Variants in KSR1 observed in about 807,000 individuals in gnomAD.
The protein encoded by KSR1 is kinase suppressor of ras 1.
KSR1 carries 35 observed loss-of-function variants against 92.9 expected under a neutral mutation model. The observed-to-expected ratio is 0.38, with a 90% CI of 0.29 to 0.50. The LOEUF (loss-of-function observed/expected upper bound fraction) is 0.50, where lower values mean the gene tolerates loss of function less well. Among genes scored for constraint, KSR1 ranks in the 20% least tolerant of loss-of-function variants. The pLI is 0.94. For missense variants in KSR1, 972 were observed against 1,158.5 expected, an observed-to-expected ratio of 0.84 and a Z score of 2.34; for synonymous variants, 467 against 472.6, an observed-to-expected ratio of 0.99 and a Z score of 0.15.
intron 1 of KSR1, among the ~76,000 whole-genome samples, chr17:27,487,648 A>G (rs2150955381): frequency 6.6e-6 from 1 of 151,246 alleles, no homozygotes; most frequent in Non-Finnish European, 1.5e-5. Flanking sequence ...GCATGGCTGT[A>G]CAAACATAAA....
At chr17:27,523,311 C>A (rs941990825) in intron 1 of KSR1, among the ~76,000 whole-genome samples, 3 of 151,580 alleles carry the variant, frequency 2.0e-5, no homozygotes, top group African/African-American at 7.3e-5. Context: ...ATGAATCAGC[C>A]CGACTACATT....
In KSR1 at chr17:27,617,340, A is replaced by G. The variant is rs2074092105; in HGVS notation, c.2539A>G (p.Ser847Gly). 1.2e-6 allele frequency: 2 copies of G among 1,612,462 alleles called. No homozygotes were observed. The highest frequency in any genetic ancestry group is 1.7e-6 in the Non-Finnish European group (2 of 1,179,152). ...GGCTTTCGACCTGCAGGAGAGACCC[A>G]GCTTCAGCCTGCTGATGGACATGCT... ...CWAFDLQERP[S>G]FSLLMDMLEK... The change falls in exon 19 of 21, where the codon AGC (serine) becomes GGC (glycine). Residue 847 changes from serine to glycine, a missense_variant. Coordinates refer to ENST00000644974, the MANE Select transcript of KSR1 (RefSeq NM_001394583.1).
At chr17:27,494,992 C>T (rs1467649352) in intron 1 of KSR1, among the ~76,000 whole-genome samples, 2 of 152,204 alleles carry the variant, frequency 1.3e-5, no homozygotes, top group Non-Finnish European at 2.9e-5. Flanking sequence ...AAGGGGCTCC[C>T]GGGCAGTGCG....
At chr17:27,621,416 G>A (rs926690117) in intron 20 of KSR1, 143 bp downstream of exon 20, 13 of 394,978 alleles carry the variant, frequency 3.3e-5, no homozygotes, top group Non-Finnish European at 5.8e-5. Context: ...TTCTGCAGCT[G>A]AAATGGCTTC....
chr17:27,610,978 G>A (rs970154031), intron 17 of KSR1, among the ~76,000 whole-genome samples: 3 of 152,134 alleles, frequency 2.0e-5, no homozygotes, highest in Non-Finnish European at 4.4e-5. Context: ...CCAAGGGGAC[G>A]TAGAGAGGCC....
chr17:27,500,049 C>T (rs531087434), intron 1 of KSR1, among the ~76,000 whole-genome samples: 45 of 152,314 alleles, frequency 3.0e-4, no homozygotes, highest in African/African-American at 7.2e-4. Context: ...AAGGCACCTT[C>T]GGCGTCTGCC....
Position 27,604,867 on chromosome 17 carries a change from A to G in KSR1, c.1614+139A>G, listed in dbSNP as rs2073695338. ...TCCCAGGCACCCATTGCAGAGGTGC[A>G]TGTCAGGGAAGAACGATGAGGAATG... On this transcript the variant is annotated intron_variant, in intron 13 of 20. Transcript: ENST00000644974. 20 of 807,740 alleles carry G rather than the reference A, an allele frequency of 2.5e-5. No individual in the cohort carries two copies. The South Asian group carries it at 2.9e-4, about 12-fold the overall frequency. 50.0% of individuals were successfully genotyped at this position (807,740 alleles called of 1,614,324 possible).
intron 4 of KSR1, 82 bp from the exon 5 acceptor site, chr17:27,585,575 T>C (rs1316260777): frequency 2.8e-6 from 2 of 722,610 alleles, no homozygotes; most frequent in South Asian, 2.9e-5. Context: ...CCTTGCCTGC[T>C]CCCGCCCAAG....
In KSR1 at chr17:27,611,484, G is replaced by T; in HGVS notation, c.2358-10G>T. 1 of 1,613,738 alleles carries T rather than the reference G, an allele frequency of 6.2e-7. No individual in the cohort carries two copies. The highest frequency in any genetic ancestry group is 8.5e-7 in the Non-Finnish European group (1 of 1,179,704). ...CCCAGGAGCTCACAGACATGGCTGG[G>T]TCTCTGCAGGACTGTTTGGTATGAG... On this transcript the variant is annotated splice_polypyrimidine_tract_variant and intron_variant, in intron 17 of 20. Transcript: ENST00000644974.
At chr17:27,533,388 C>G (rs983338011) in intron 1 of KSR1, among the ~76,000 whole-genome samples, 9 of 144,956 alleles carry the variant, frequency 6.2e-5, no homozygotes, top group Admixed American at 1.4e-4. Flanking sequence ...TGCAACCATT[C>G]TTTTTTTTTT....
chr17:27,531,544 G>A (rs1050784258), intron 1 of KSR1, among the ~76,000 whole-genome samples: 4 of 132,890 alleles, frequency 3.0e-5, no homozygotes, highest in Non-Finnish European at 6.3e-5. Flanking sequence ...CCTGTGTTCT[G>A]TGGGCGAGTG....
chr17:27,601,805 C>A, intron 11 of KSR1: 1 of 922,140 alleles, frequency 1.1e-6, no homozygotes, highest in Non-Finnish European at 1.7e-6. Context: ...ATATCTTATG[C>A]ACAATGTCTT....
At chr17:27,520,470 A>G (rs1015667968) in intron 1 of KSR1, among the ~76,000 whole-genome samples, 1 of 152,224 alleles carries the variant, frequency 6.6e-6, no homozygotes, top group African/African-American at 2.4e-5. Flanking sequence ...ATCTTTAGAA[A>G]GGGCTCAGAA....
chr17:27,597,320 C>T lies in KSR1; in HGVS notation c.1352C>T (p.Thr451Ile). ...HLDSSSNPSS[T>I]TSSTPSSPAP... The stretch of plus-strand genomic sequence containing the variant: ...GACTCCAGCAGCAACCCTTCCTCCA[C>T]CACCTCCTCCACACCCTCCTCACCG... The change falls in exon 10 of 21, where the codon ACC becomes ATC. Residue 451 changes from threonine to isoleucine, a missense_variant. By Grantham distance (89) the Thr-to-Ile change is moderately conservative (BLOSUM62 -1). Around this residue, in one of 5 missense-constraint regions of KSR1, gnomAD observed 611 missense variants for 668.0 expected, o/e 0.91. Coordinates refer to ENST00000644974, the MANE Select transcript of KSR1 (RefSeq NM_001394583.1). The T allele has an allele frequency of 6.2e-7, 1 of 1,609,990 alleles. No homozygotes were observed.
At chr17:27,496,585 C>T (rs571406127) in intron 1 of KSR1, among the ~76,000 whole-genome samples, 14 of 152,252 alleles carry the variant, frequency 9.2e-5, no homozygotes, top group African/African-American at 3.1e-4. Context: ...GCCTCCTGTG[C>T]CCCAGAGCGA....
intron 1 of KSR1, among the ~76,000 whole-genome samples, chr17:27,469,092 T>G (rs1025560850): frequency 1.3e-5 from 2 of 152,164 alleles, no homozygotes; most frequent in African/African-American, 4.8e-5. Flanking sequence ...GAAGGTGCTA[T>G]TCTCTGGGAG....
chr17:27,556,144 G>A (rs1567823966), intron 2 of KSR1, among the ~76,000 whole-genome samples: 1 of 152,166 alleles, frequency 6.6e-6, no homozygotes, highest in African/African-American at 2.4e-5. Context: ...TTGCTAGGCT[G>A]GATTTTAGTG....
At chr17:27,540,613 G>A (rs1001232230) in intron 1 of KSR1, among the ~76,000 whole-genome samples, 5 of 152,182 alleles carry the variant, frequency 3.3e-5, no homozygotes, top group African/African-American at 1.2e-4. Context: ...TGGCTGTTGC[G>A]AAATGCCCAG....
chr17:27,544,493 C>T (rs995278982), intron 1 of KSR1, among the ~76,000 whole-genome samples: 4 of 152,222 alleles, frequency 2.6e-5, no homozygotes, highest in African/African-American at 9.7e-5. Flanking sequence ...GCTGTAGTAT[C>T]GGTAGCACCC....
Sources: allele counts gnomAD v4.1 joint callset (sites outside exome capture counted in the v4.1 genomes callset), GRCh38; gene constraint gnomAD v4.1.1; regional missense constraint gnomAD v4.1.1; transcripts MANE v1.5; gene names NCBI Gene and HGNC (gene_info 2026-07-23, HGNC 2026-07-21).